Variants in TMCO6 observed in about 807,000 individuals in gnomAD.
TMCO6 encodes transmembrane and coiled-coil domains 6, also known as transmembrane and coiled-coil domain-containing protein 6.
TMCO6 carries 47 observed loss-of-function variants against 61.8 expected under a neutral mutation model. That is an observed-to-expected ratio of 0.76 (90% CI 0.60 to 0.97). The LOEUF (loss-of-function observed/expected upper bound fraction) is 0.97, where lower values mean the gene tolerates loss of function less well. TMCO6 is among the 50% of genes least tolerant of loss of function. TMCO6 has a pLI of 0.00. For missense variants in TMCO6, 557 were observed against 601.6 expected (o/e 0.93, Z 0.78); for synonymous variants, 261 against 254.2 (o/e 1.03, Z -0.25).
the TMCO6 span, among the ~76,000 whole-genome samples, chr5:140,614,092 G>C: frequency 6.6e-6 from 1 of 151,886 alleles, no homozygotes; most frequent in Non-Finnish European, 1.5e-5. Flanking sequence ...GTAGAGACAG[G>C]GTTTCACCGT....
At chr5:140,605,928 T>C in the TMCO6 span, among the ~76,000 whole-genome samples, 1 of 152,172 alleles carries the variant, frequency 6.6e-6, no homozygotes, top group East Asian at 1.9e-4. Context: ...GTTTTGGCAA[T>C]AAGTGTGTCC....
the TMCO6 span, among the ~76,000 whole-genome samples, chr5:140,603,730 A>G: frequency 6.6e-6 from 1 of 151,970 alleles, no homozygotes; most frequent in Admixed American, 6.6e-5. Flanking sequence ...CAATTTATTT[A>G]TCCATCATCT....
At chr5:140,639,714 G>T (rs771854330) in intron 1 of TMCO6, 25 bp from the exon 2 acceptor site, 3 of 1,568,342 alleles carry the variant, frequency 1.9e-6, no homozygotes, top group East Asian at 4.7e-5. Context: ...TCCTTCCCAC[G>T]CTCAGCCGGC....
the TMCO6 span, among the ~76,000 whole-genome samples, chr5:140,601,627 A>C: frequency 2.0e-5 from 3 of 152,282 alleles, no homozygotes; most frequent in East Asian, 5.8e-4. Flanking sequence ...CAATCTCAGA[A>C]CTATGGTAAT....
rs1379364030 is a variant in TMCO6 at position 140,639,799 on chromosome 5, C to T, written c.146C>T (p.Ala49Val). 6 of 1,609,746 alleles carry T rather than the reference C, an allele frequency of 3.7e-6. No individual in the cohort carries two copies. The highest frequency in any genetic ancestry group is 2.7e-5 in the African/African-American group (2 of 74,878). The change falls in exon 2 of 12, where the codon GCC (alanine) becomes GTC (valine). Residue 49 changes from alanine (A) to valine (V), a missense_variant. Physicochemically the swap from Ala to Val is moderately conservative, Grantham distance 64. Coordinates refer to ENST00000394671, the MANE Select transcript of TMCO6 (RefSeq NM_018502.5). Reference sequence around the variant, plus strand: ...AGCAAGAGGCTGCTGAGAAACGACGCCCCAGAGGAAGCTGGAGAGGGATGT... The same window carrying T: ...AGCAAGAGGCTGCTGAGAAACGACGTCCCAGAGGAAGCTGGAGAGGGATGT... ...LVSKRLLRND[A>V]PEEAGEGCVA...
the TMCO6 span, among the ~76,000 whole-genome samples, chr5:140,617,826 C>T: frequency 6.6e-6 from 1 of 151,908 alleles, no homozygotes; most frequent in Non-Finnish European, 1.5e-5. Flanking sequence ...ATTATGGCTA[C>T]TATTTTTTAA....
the TMCO6 span, among the ~76,000 whole-genome samples, chr5:140,605,909 G>T: frequency 6.6e-6 from 1 of 152,062 alleles, no homozygotes; most frequent in Non-Finnish European, 1.5e-5. Flanking sequence ...TAAATATGTT[G>T]TTGAGGCAGT....
At chr5:140,629,211 G>T in the TMCO6 span, among the ~76,000 whole-genome samples, 1 of 152,102 alleles carries the variant, frequency 6.6e-6, no homozygotes, top group Non-Finnish European at 1.5e-5. Flanking sequence ...AGAAGTTGCA[G>T]TGAGCTGAGA....
Position 140,639,488 on chromosome 5 carries a change from T to A in TMCO6, c.-40T>A. ...ATCTTCTACGCCCCTGGGAGCGTTG[T>A]GGCTGCTGTTTCCTTCGGCTTTCCT... On this transcript the variant is annotated 5_prime_UTR_variant, in exon 1 of 12. Coordinates refer to ENST00000394671, the MANE Select transcript of TMCO6 (RefSeq NM_018502.5). The A allele has an allele frequency of 3.2e-6, 5 of 1,540,238 alleles. No individual in the cohort carries two copies. Among genetic ancestry groups the A allele is most frequent in the Non-Finnish European group, 4.4e-6 (5 of 1,138,686 alleles).
At chr5:140,614,504 C>T in the TMCO6 span, among the ~76,000 whole-genome samples, 1 of 144,230 alleles carries the variant, frequency 6.9e-6, no homozygotes, top group Admixed American at 7.0e-5. Context: ...AACAGCGAAA[C>T]TCTGTTTTAA....
At chr5:140,647,274 T>G (rs761778714), downstream of TMCO6, 2 of 1,558,528 alleles carry the variant, frequency 1.3e-6, no homozygotes, top group Middle Eastern at 1.7e-4. Flanking sequence ...GCCCAGAGCT[T>G]GGGCTGCACA....
chr5:140,632,132 C>A, the TMCO6 span: 1 of 1,614,158 alleles, frequency 6.2e-7, no homozygotes, highest in Admixed American at 1.7e-5. The surrounding 1 kb of genome is among the most constrained non-coding windows in gnomAD (Gnocchi z 6.2). Flanking sequence ...GCCCAGCGAA[C>A]GACAGATTGA....
the TMCO6 span, among the ~76,000 whole-genome samples, chr5:140,612,528 A>G: frequency 0.2 from 29,738 of 151,662 alleles, 3,383 homozygotes; most frequent in East Asian, 0.29. Context: ...GTTAGTAGAG[A>G]CGGGGTTTCA....
the TMCO6 span, among the ~76,000 whole-genome samples, chr5:140,603,826 T>C: frequency 6.6e-6 from 1 of 152,238 alleles, no homozygotes; most frequent in African/African-American, 2.4e-5. Flanking sequence ...TCTGTGTAGA[T>C]ATATGTTTTC....
At chr5:140,626,614 C>G in the TMCO6 span, among the ~76,000 whole-genome samples, 1 of 152,162 alleles carries the variant, frequency 6.6e-6, no homozygotes, top group Non-Finnish European at 1.5e-5. Flanking sequence ...CTTTGTGTCT[C>G]TATCTATTAT....
the TMCO6 span, among the ~76,000 whole-genome samples, chr5:140,614,699 C>G: frequency 6.6e-6 from 1 of 151,880 alleles, no homozygotes; most frequent in African/African-American, 2.4e-5. Flanking sequence ...ACTGCAAGCT[C>G]AGCCTCCCAG....
At chr5:140,599,549 G>A in the TMCO6 span, among the ~76,000 whole-genome samples, 3 of 152,282 alleles carry the variant, frequency 2.0e-5, no homozygotes, top group South Asian at 2.1e-4. Flanking sequence ...TTGGAACTGC[G>A]ATTATAAACC....
chr5:140,631,133 C>T, the TMCO6 span, among the ~76,000 whole-genome samples: 1 of 152,186 alleles, frequency 6.6e-6, no homozygotes, highest in Non-Finnish European at 1.5e-5. Context: ...AATTCAGAGA[C>T]CGACTGTATC....
At chr5:140,640,083 C>T (rs1023219105) in intron 2 of TMCO6, among the ~76,000 whole-genome samples, 1 of 152,202 alleles carries the variant, frequency 6.6e-6, no homozygotes, top group Non-Finnish European at 1.5e-5. Flanking sequence ...GGAGTCTTTA[C>T]ATGCCTCACC....
Sources: gnomAD v4.1 joint callset for allele counts (sites outside exome capture counted in the v4.1 genomes callset) on GRCh38, gnomAD v4.1.1 for gene constraint, Gnocchi (gnomAD v3.1) non-coding constraint, MANE v1.5 for transcripts, NCBI Gene and HGNC (gene_info 2026-07-23, HGNC 2026-07-21) for gene names.